LIPC: variants seen among roughly 807,000 people sequenced by gnomAD.
The protein encoded by LIPC is hepatic triacylglycerol lipase.
In LIPC, 44 loss-of-function variants were observed where a neutral mutation model predicts 50.7. The observed-to-expected ratio is 0.87, with a 90% CI of 0.68 to 1.11. LIPC has a LOEUF of 1.11. Among genes scored for constraint, LIPC ranks in the 50% most tolerant of loss-of-function variants. LIPC has a pLI of 0.00. For missense variants in LIPC, 697 were observed against 648.2 expected (o/e 1.08, Z -0.82); for synonymous variants, 271 against 256.4 (o/e 1.06, Z -0.54).
intron 1 of LIPC, among the ~76,000 whole-genome samples, chr15:58,501,368 G>A (rs34101191): frequency 0.5 from 69,414 of 139,636 alleles, 16,754 homozygotes; most frequent in East Asian, 0.61. Flanking sequence ...TTTTTTTAAT[G>A]CCTGAAGTTT....
At chr15:58,541,257 A>C (rs1338612662) in intron 2 of LIPC, among the ~76,000 whole-genome samples, 2 of 151,970 alleles carry the variant, frequency 1.3e-5, no homozygotes, top group Non-Finnish European at 2.9e-5. Context: ...ACCTCCTACT[A>C]TGTCAGGCTC....
At chr15:58,534,878 T>A (rs1461362755) in intron 1 of LIPC, among the ~76,000 whole-genome samples, 3 of 152,234 alleles carry the variant, frequency 2.0e-5, no homozygotes, top group African/African-American at 7.2e-5. Flanking sequence ...AACTATGAAT[T>A]TTTGCCAACT....
intron 1 of LIPC, among the ~76,000 whole-genome samples, chr15:58,483,019 C>T (rs1359503406): frequency 1.3e-5 from 2 of 152,190 alleles, no homozygotes; most frequent in Non-Finnish European, 2.9e-5. Flanking sequence ...GAAAGCATAG[C>T]TGGCTGAGTC....
intron 8 of LIPC, chr15:58,564,052 T>G: frequency 2.5e-6 from 1 of 407,564 alleles, no homozygotes; most frequent in East Asian, 5.4e-5. Context: ...GTGATGTCAG[T>G]GCTGCCAGTC....
intron 1 of LIPC, among the ~76,000 whole-genome samples, chr15:58,494,196 G>C (rs1266281542): frequency 6.6e-6 from 1 of 152,232 alleles, no homozygotes; most frequent in Non-Finnish European, 1.5e-5. Context: ...AGAGCAAGAG[G>C]CTCCACAATG....
chr15:58,564,405 A>G (rs1366329019), intron 8 of LIPC, among the ~76,000 whole-genome samples: 1 of 152,054 alleles, frequency 6.6e-6, no homozygotes, highest in African/African-American at 2.4e-5. Flanking sequence ...CTCCAGGGAT[A>G]CGAAGGAGCT....
At chr15:58,547,454 A>G (rs758510103) in intron 5 of LIPC, among the ~76,000 whole-genome samples, 29 of 152,202 alleles carry the variant, frequency 1.9e-4, no homozygotes, top group Non-Finnish European at 3.8e-4. Context: ...TGCAGCCGCT[A>G]GCGTCCAAGG....
chr15:58,524,173 C>T (rs1482785946), intron 1 of LIPC, among the ~76,000 whole-genome samples: 1 of 152,184 alleles, frequency 6.6e-6, no homozygotes, highest in South Asian at 2.1e-4. Context: ...TTACTTATGC[C>T]CCCACCCTTC....
At chr15:58,443,675 T>C (rs556306916) in intron 1 of LIPC, among the ~76,000 whole-genome samples, 7 of 152,350 alleles carry the variant, frequency 4.6e-5, no homozygotes, top group African/African-American at 1.7e-4. Context: ...TGCAAATCTC[T>C]GTCTCACGCA....
intron 1 of LIPC, among the ~76,000 whole-genome samples, chr15:58,487,343 A>G (rs1891414445): frequency 1.3e-5 from 2 of 152,228 alleles, no homozygotes; most frequent in Admixed American, 6.5e-5. Flanking sequence ...GATTAAACGA[A>G]GGGAAGGTAT....
At chr15:58,548,611 G>C in intron 6 of LIPC, 39 bp downstream of exon 6, 1 of 1,571,320 alleles carries the variant, frequency 6.4e-7, no homozygotes, top group East Asian at 2.3e-5. Flanking sequence ...AGGGCAGGAT[G>C]CAGTCCCCTG....
At chr15:58,509,549 A>C (rs1892268813) in intron 1 of LIPC, among the ~76,000 whole-genome samples, 1 of 152,228 alleles carries the variant, frequency 6.6e-6, no homozygotes, top group East Asian at 1.9e-4. Context: ...TCAGTAAATA[A>C]ATATAATTTT....
intron 6 of LIPC, among the ~76,000 whole-genome samples, chr15:58,556,310 G>A (rs187956881): frequency 6.3e-4 from 96 of 152,260 alleles, no homozygotes; most frequent in African/African-American, 2.1e-3. Context: ...GTGTGGTTCC[G>A]AGATGGCCTT....
intron 1 of LIPC, among the ~76,000 whole-genome samples, chr15:58,463,791 A>C (rs1235067563): frequency 6.6e-6 from 1 of 152,182 alleles, no homozygotes; most frequent in African/African-American, 2.4e-5. Flanking sequence ...CTGCTCATCA[A>C]AAAAGTCCAA....
chr15:58,560,161 A>G (rs1398375802), intron 6 of LIPC, among the ~76,000 whole-genome samples: 5 of 152,234 alleles, frequency 3.3e-5, no homozygotes, highest in African/African-American at 1.2e-4. Flanking sequence ...GCTTTCAGTA[A>G]CTAAATGTAG....
chr15:58,499,587 C>A (rs779275841), intron 1 of LIPC, among the ~76,000 whole-genome samples: 3 of 152,156 alleles, frequency 2.0e-5, no homozygotes, highest in African/African-American at 4.8e-5. Context: ...AGCCACCGAA[C>A]CCTATAAGTT....
intron 6 of LIPC, among the ~76,000 whole-genome samples, chr15:58,549,875 G>A (rs1489090979): frequency 2.6e-5 from 4 of 152,240 alleles, no homozygotes; most frequent in Non-Finnish European, 5.9e-5. Flanking sequence ...AAGTCCTCCT[G>A]CTTCGGGGAG....
At chr15:58,506,450 G>C (rs1315028627) in intron 1 of LIPC, among the ~76,000 whole-genome samples, 4 of 152,174 alleles carry the variant, frequency 2.6e-5, no homozygotes, top group African/African-American at 4.8e-5. Flanking sequence ...TCAGGAGAGA[G>C]GCCTTTGACC....
At chr15:58,459,043 T>C (rs1894238418) in intron 1 of LIPC, among the ~76,000 whole-genome samples, 1 of 152,194 alleles carries the variant, frequency 6.6e-6, no homozygotes, top group South Asian at 2.1e-4. Flanking sequence ...CATCTCCCCT[T>C]GGCTATAGGT....
Sources: gnomAD v4.1 joint callset for allele counts (sites outside exome capture counted in the v4.1 genomes callset) on GRCh38, gnomAD v4.1.1 for gene constraint, MANE v1.5 for transcripts, NCBI Gene and HGNC (gene_info 2026-07-23, HGNC 2026-07-21) for gene names.